RBM23: variants seen among roughly 807,000 people sequenced by gnomAD.
RBM23 encodes RNA binding motif protein 23.
A neutral mutation model predicts 56.2 loss-of-function variants in RBM23; 53 were observed. The observed-to-expected ratio is 0.94, with a 90% CI of 0.76 to 1.19. RBM23 has a LOEUF of 1.19. Ranked by LOEUF, RBM23 falls within the 50% of genes most tolerant of loss-of-function variation. The pLI is 0.00. For synonymous variants in RBM23, 197 were observed against 198.5 expected (o/e 0.99, Z 0.06); for missense variants, 642 against 590.3 (o/e 1.09, Z -0.91).
chr14:22,906,134 T>G, intron 5 of RBM23, 61 bp downstream of exon 5: 2 of 1,573,958 alleles, frequency 1.3e-6, no homozygotes, highest in East Asian at 4.5e-5. Flanking sequence ...GGGTTCATAG[T>G]GCATTTGTTG....
chr14:22,911,422 T>C lies in RBM23; in HGVS notation c.-10-19A>G, dbSNP rs1282875402. The C allele has an allele frequency of 3.1e-6, 5 of 1,592,832 alleles. No homozygotes were observed. The highest frequency in any genetic ancestry group is 2.2e-5 in the South Asian group (2 of 90,238). ...GTCAGATCTGGGGAGAGGATATTAATATGTAAGAATCTGTTTTATATTTTT... is the reference window on the plus strand; with the variant it reads ...GTCAGATCTGGGGAGAGGATATTAACATGTAAGAATCTGTTTTATATTTTT... On this transcript the variant is annotated intron_variant, in intron 1 of 13. Transcript: ENST00000359890.
rs1308399378 is a variant in RBM23 at position 22,899,794 on chromosome 14, T to C, written c.*1936A>G. The C allele has an allele frequency of 1.3e-5, 2 of 152,248 alleles. No homozygotes were observed. Among genetic ancestry groups the C allele is most frequent in the Non-Finnish European group, 2.9e-5 (2 of 68,052 alleles). The allele number at this position is 152,248 out of a possible 1,614,324, so 9.4% of individuals were successfully genotyped here. A position where few individuals can be genotyped will look rare whatever the true frequency, so the allele number is the denominator to read the frequency against. On this transcript the variant is annotated 3_prime_UTR_variant, in exon 14 of 14. Transcript: ENST00000359890. Reference sequence around the variant, plus strand: ...AAGCAGGCTTCAAGTATTTAAATGATTTTGTGTTAAAAGCAACCCCAGAGG... The same window carrying C: ...AAGCAGGCTTCAAGTATTTAAATGACTTTGTGTTAAAAGCAACCCCAGAGG...
At chr14:22,911,542 C>T in intron 1 of RBM23, 139 bp from the exon 2 acceptor site, 1 of 637,552 alleles carries the variant, frequency 1.6e-6, no homozygotes, top group Non-Finnish European at 2.7e-6. Context: ...TGCAAAGAAA[C>T]CTTACCAGCT....
intron 1 of RBM23, among the ~76,000 whole-genome samples, chr14:22,918,559 A>G (rs930441211): frequency 6.6e-6 from 1 of 152,206 alleles, no homozygotes; most frequent in Non-Finnish European, 1.5e-5. Flanking sequence ...CATAGTGAAC[A>G]TGAATCTTCG....
At position 22,902,256 on chromosome 14, in the gene RBM23, C is replaced by G. The variant is rs112293765; in HGVS notation, c.1057G>C (p.Asp353His). ...LDGGTDITFP[D>H]GDQELDLGSA... ...CCCAGATCCAGCTCCTGGTCCCCAT[C>G]AGGAAAAGTGATGTCTGTGCCACCA... Residue 353 changes from aspartate to histidine, a missense_variant, in exon 11 of 14, where the codon GAT becomes CAT. Asp to His is a moderately conservative substitution (Grantham distance 81, BLOSUM62 -1). Transcript: ENST00000359890. 6.2e-7 allele frequency: 1 copy of G among 1,614,224 alleles called. No homozygotes were observed. The highest frequency in any genetic ancestry group is 8.5e-7 in the Non-Finnish European group (1 of 1,180,044).
chr14:22,910,534 G>GGA (rs1334787363), intron 2 of RBM23, among the ~76,000 whole-genome samples: 9 of 150,750 alleles, frequency 6.0e-5, no homozygotes, highest in Non-Finnish European at 7.4e-5. Flanking sequence ...AGGGATGGGA[G>GGA]GAGAGGGCAG....
rs1566550271 is a variant in RBM23 at position 22,905,633 on chromosome 14, G to A, written c.428C>T (p.Pro143Leu). The A allele has an allele frequency of 1.2e-6, 2 of 1,610,110 alleles. No individual in the cohort carries two copies. Among genetic ancestry groups the A allele is most frequent in the Non-Finnish European group, 1.7e-6 (2 of 1,176,332 alleles). Residue 143 changes from proline (P) to leucine (L), a missense_variant, in exon 6 of 14, where the codon CCT (proline) becomes CTT (leucine). Physicochemically the swap from Pro to Leu is moderately conservative, Grantham distance 98. Transcript: ENST00000359890. ...GACTGGGCTCTTCTCTCTGAAATGA[G>A]GACTCTTACTGTGTCCATACCTATA... ...TGYRYGHSKS[P>L]HFREKSPVRE...
At chr14:22,918,388 G>C (rs1361132596) in intron 1 of RBM23, among the ~76,000 whole-genome samples, 1 of 122,114 alleles carries the variant, frequency 8.2e-6, no homozygotes, top group African/African-American at 2.8e-5. Context: ...GCGACACTCC[G>C]CCTTAAAAAA....
In RBM23 at chr14:22,896,855, T is replaced by C. The variant is rs2040256506; in HGVS notation, c.*4875A>G. The C allele has an allele frequency of 6.6e-6, 1 of 152,154 alleles. No individual in the cohort carries two copies. The highest frequency in any genetic ancestry group is 2.4e-5 in the African/African-American group (1 of 41,434). 9.4% of individuals were successfully genotyped at this position (152,154 alleles called of 1,614,324 possible). ...TCCTGGATATAAAGCGCAAAAGTTATGAGAGAGGGGAAAGGATGTCTGAAG... is the reference window on the plus strand; with the variant it reads ...TCCTGGATATAAAGCGCAAAAGTTACGAGAGAGGGGAAAGGATGTCTGAAG... On this transcript the variant is annotated 3_prime_UTR_variant, in exon 14 of 14. Coordinates refer to ENST00000359890, the MANE Select transcript of RBM23 (RefSeq NM_001077351.2).
At chr14:22,904,395 C>G (rs753375489) in intron 9 of RBM23, 69 bp from the exon 10 acceptor site, 6 of 1,285,164 alleles carry the variant, frequency 4.7e-6, no homozygotes, top group Non-Finnish European at 6.5e-6. Flanking sequence ...CCTACCCAGA[C>G]TGCTTTTTTT....
In RBM23 at chr14:22,904,968, CT is replaced by C; in HGVS notation, c.770del (p.Lys257ArgfsTer38). 1 of 1,614,220 alleles carries C rather than the reference CT, an allele frequency of 6.2e-7. No homozygotes were observed. The highest frequency in any genetic ancestry group is 1.1e-5 in the South Asian group (1 of 91,090). On this transcript the variant is annotated frameshift_variant, in exon 9 of 14. Transcript: ENST00000359890. LOFTEE classifies it high-confidence loss of function. ...RLAAMANNLQKGNGGPMRLYV... is the reference protein window; with the variant it reads ...RLAAMANNLQXGNGGPMRLYV... ...AGAGGCGCATTGGTCCACCATTGCCCTTTTGCAGGTTGTTGGCCATGGCTGC... is the reference window on the plus strand; with the variant it reads ...AGAGGCGCATTGGTCCACCATTGCCCTTTGCAGGTTGTTGGCCATGGCTGC...
chr14:22,901,918 A>C, intron 12 of RBM23, 35 bp from the exon 13 acceptor site: 3 of 1,613,934 alleles, frequency 1.9e-6, no homozygotes, highest in Non-Finnish European at 2.5e-6. Context: ...GTGAGCAAGC[A>C]CCGCGCACTC....
At position 22,910,494 on chromosome 14, in the gene RBM23, G is replaced by A. The variant is rs533054102; in HGVS notation, c.66+834C>T. 2.0e-3 allele frequency among the ~76,000 whole-genome samples: 302 copies of A among 149,722 alleles called. 2 individuals are homozygous for A. Among genetic ancestry groups the A allele is most frequent in the African/African-American group, 6.8e-3 (278 of 40,668 alleles). ...AAAAAAAGAAAGGAAAAAAGAAAGC[G>A]GTGGGGGGGAAAGGAAGGGAGAAGG... On this transcript the variant is annotated intron_variant, in intron 2 of 13. Transcript: ENST00000359890.
chr14:22,914,986 C>CAAAA (rs367972024), intron 1 of RBM23, among the ~76,000 whole-genome samples: 24 of 101,940 alleles, frequency 2.4e-4, no homozygotes, highest in African/African-American at 8.0e-4. Context: ...GACTCCATCT[C>CAAAA]AAAAAAAAAA....
chr14:22,902,756 CTTTTTTTTT>C lies in RBM23; in HGVS notation c.931-383_931-375del, dbSNP rs59987550. ...GTTCTCTATCCTAGTAAGTTTTAGT[CTTTTTTTTT>C]TTTTTTTTTTTTTTTTTTTGAGACG... is the stretch of plus-strand genomic sequence containing the variant. On this transcript the variant is annotated intron_variant, in intron 10 of 13. Coordinates refer to ENST00000359890, the MANE Select transcript of RBM23 (RefSeq NM_001077351.2). The C allele has an allele frequency of 5.3e-4, 246 of 460,760 alleles. 2 individuals are homozygous for C. The highest frequency in any genetic ancestry group is 1.9e-3 in the East Asian group (5 of 2,574). The allele number at this position is 460,760 out of a possible 1,614,324, so 28.5% of individuals were successfully genotyped here.
In RBM23 at chr14:22,896,978, C is replaced by G. The variant is rs1265467087; in HGVS notation, c.*4752G>C. 1 of 152,208 alleles carries G rather than the reference C, an allele frequency of 6.6e-6. No homozygotes were observed. The highest frequency in any genetic ancestry group is 6.6e-5 in the Admixed American group (1 of 15,260). The allele number at this position is 152,208 out of a possible 1,614,324, so 9.4% of individuals were successfully genotyped here. A position where few individuals can be genotyped will look rare whatever the true frequency, so the allele number is the denominator to read the frequency against. Reference sequence around the variant, plus strand: ...ACCTGGTTGCCATGGAAACATCAGTCTCTGGTGGATGGCAAGCAGCACTTT... The same window carrying G: ...ACCTGGTTGCCATGGAAACATCAGTGTCTGGTGGATGGCAAGCAGCACTTT... On this transcript the variant is annotated 3_prime_UTR_variant, in exon 14 of 14. Coordinates refer to ENST00000359890, the MANE Select transcript of RBM23 (RefSeq NM_001077351.2).
In RBM23 at chr14:22,901,496, G is replaced by C; in HGVS notation, c.*234C>G. 1 of 613,422 alleles carries C rather than the reference G, an allele frequency of 1.6e-6. No homozygotes were observed. Among genetic ancestry groups the C allele is most frequent in the Non-Finnish European group, 2.9e-6 (1 of 341,736 alleles). The allele number at this position is 613,422 out of a possible 1,614,324, so 38.0% of individuals were successfully genotyped here. A position where few individuals can be genotyped will look rare whatever the true frequency, so the allele number is the denominator to read the frequency against. ...CATGGAGAAACAGGTATTCAATGCAGGTGTGGATTCTGTTCTCTTCAACTG... is the reference window on the plus strand; with the variant it reads ...CATGGAGAAACAGGTATTCAATGCACGTGTGGATTCTGTTCTCTTCAACTG... On this transcript the variant is annotated 3_prime_UTR_variant, in exon 14 of 14. Transcript: ENST00000359890.
intron 7 of RBM23, 38 bp downstream of exon 7, chr14:22,905,298 C>A: frequency 6.2e-7 from 1 of 1,613,872 alleles, no homozygotes; most frequent in African/African-American, 1.3e-5. Context: ...GAGATACAAG[C>A]TAAGCTACTC....
At chr14:22,905,494 T>C (rs2041374563) in intron 6 of RBM23, 41 bp from the exon 7 acceptor site, 1 of 1,606,340 alleles carries the variant, frequency 6.2e-7, no homozygotes, top group Admixed American at 1.7e-5. Context: ...TCCCAATACC[T>C]GGTCATTGTT....
Sources: allele counts gnomAD v4.1 joint callset (sites outside exome capture counted in the v4.1 genomes callset), GRCh38; gene constraint gnomAD v4.1.1; transcripts MANE v1.5; gene names NCBI Gene and HGNC (gene_info 2026-07-23, HGNC 2026-07-21).